The following FBXW12 variants were observed in gnomAD, a reference collection of about 807,000 sequenced individuals.
The protein encoded by FBXW12 is F-box and WD repeat domain containing 12.
Under a neutral mutation model 55.3 loss-of-function variants are expected in FBXW12, and 43 were observed. The observed-to-expected ratio is 0.78, with a 90% CI of 0.61 to 1.00. The LOEUF (loss-of-function observed/expected upper bound fraction) is 1.00. Ranked by LOEUF, FBXW12 falls within the 50% of genes least tolerant of loss-of-function variation. The pLI, the probability that FBXW12 is intolerant of heterozygous loss-of-function variation, is 0.00. For missense variants in FBXW12, 524 were observed against 560.5 expected (o/e 0.93, Z 0.66); for synonymous variants, 184 against 203.8 (o/e 0.90, Z 0.83).
rs33965777 is a variant in FBXW12, at chr3:48,392,450, CAAAAAAAAAAA to C, written c.1296-2095_1296-2085del. ...TGGGTGACAGAGCAACACTCAGTCT[CAAAAAAAAAAA>C]AAAAAAAAAAAAAAGCCCACAAGAA... On this transcript the variant is annotated intron_variant, in intron 10 of 10. Transcript: ENST00000296438. Among the ~76,000 whole-genome samples the C allele has an allele frequency of 8.1e-3, 592 of 72,684 alleles. 2 individuals are homozygous for C. The highest frequency in any genetic ancestry group is 0.047 in the Middle Eastern group (5 of 106). The allele number at this position is 72,684 out of a possible 152,430, so 47.7% of individuals were successfully genotyped here.
chr3:48,380,694 C>A lies in FBXW12; in HGVS notation c.775-8C>A. 1 of 1,608,582 alleles carries A rather than the reference C, an allele frequency of 6.2e-7. No individual in the cohort carries two copies. Among genetic ancestry groups the A allele is most frequent in the Non-Finnish European group, 8.5e-7 (1 of 1,174,912 alleles). On this transcript the variant is annotated splice_polypyrimidine_tract_variant and splice_region_variant and intron_variant, in intron 7 of 10. Transcript: ENST00000296438. Reference sequence around the variant, plus strand: ...TGCCCCTGACCATGCATGCGATGCTCTCTTTAGGTATTCCTCACAGAGTCC... The same window carrying A: ...TGCCCCTGACCATGCATGCGATGCTATCTTTAGGTATTCCTCACAGAGTCC...
intron 7 of FBXW12, chr3:48,379,772 A>C: frequency 2.0e-6 from 1 of 499,248 alleles, no homozygotes; most frequent in Non-Finnish European, 3.6e-6. Flanking sequence ...AAACTCGTTC[A>C]TGAAGCCCGA....
At chr3:48,389,730 A>G (rs1367545700) in intron 10 of FBXW12, among the ~76,000 whole-genome samples, 1 of 152,092 alleles carries the variant, frequency 6.6e-6, no homozygotes, top group African/African-American at 2.4e-5. Flanking sequence ...TTTCATTGCA[A>G]TTGCTTTTGA....
intron 10 of FBXW12, among the ~76,000 whole-genome samples, chr3:48,389,635 C>T (rs1179372127): frequency 6.6e-6 from 1 of 152,130 alleles, no homozygotes. Flanking sequence ...CTCAGCCTCC[C>T]GAAGTGTTGG....
intron 10 of FBXW12, among the ~76,000 whole-genome samples, chr3:48,389,333 T>C (rs899792854): frequency 3.9e-5 from 6 of 152,206 alleles, no homozygotes; most frequent in Admixed American, 3.9e-4. Flanking sequence ...CTATAGGTTG[T>C]CTGTTTACTC....
Position 48,381,873 on chromosome 3 carries a change from TG to T in FBXW12, c.1162del (p.Val388TrpfsTer50). The T allele has an allele frequency of 1.2e-6, 2 of 1,608,664 alleles. No homozygotes were observed. The highest frequency in any genetic ancestry group is 1.1e-5 in the South Asian group (1 of 90,614). ...CCATCAGGCAGCCATCAACAACTTC[TG>T]GGTGGTATGTATGATTCTCCTCCAC... ...EDHQAAINNFWVDPCYVLTTS... is the reference protein window; with the variant it reads ...EDHQAAINNFXVDPCYVLTTS... On this transcript the variant is annotated frameshift_variant, in exon 9 of 11. Coordinates refer to ENST00000296438, the MANE Select transcript of FBXW12 (RefSeq NM_207102.2). LOFTEE classifies it high-confidence loss of function.
intron 4 of FBXW12, among the ~76,000 whole-genome samples, chr3:48,374,391 G>C (rs535937173): frequency 2.7e-5 from 4 of 149,288 alleles, no homozygotes; most frequent in African/African-American, 9.9e-5. Context: ...GCAATGGCAC[G>C]ATCTCGGCTC....
intron 7 of FBXW12, 32 bp downstream of exon 7, chr3:48,379,590 G>A (rs772659459): frequency 6.2e-6 from 10 of 1,601,680 alleles, no homozygotes; most frequent in Admixed American, 1.7e-5. Flanking sequence ...TCAATTTCAG[G>A]ATAGGAATGT....
At chr3:48,393,546 T>C (rs2036961133) in intron 10 of FBXW12, among the ~76,000 whole-genome samples, 1 of 151,942 alleles carries the variant, frequency 6.6e-6, no homozygotes, top group Non-Finnish European at 1.5e-5. Context: ...CATCATACAG[T>C]GGGGAGGGAA....
chr3:48,391,940 G>A lies in FBXW12; in HGVS notation c.1296-2620G>A, dbSNP rs149517106. ...CTATGTTCATCAGGGATATTAGCCT[G>A]TAGTTTTCCTTTTTCATTGCCAGTA... On this transcript the variant is annotated intron_variant, in intron 10 of 10. Transcript: ENST00000296438. Among the ~76,000 whole-genome samples the A allele has an allele frequency of 2.8e-3, 421 of 152,258 alleles. 4 individuals are homozygous for A. The Middle Eastern group carries it at 0.075, about 27-fold the overall frequency.
intron 10 of FBXW12, among the ~76,000 whole-genome samples, chr3:48,390,125 T>C (rs953890722): frequency 1.3e-5 from 2 of 152,214 alleles, no homozygotes; most frequent in African/African-American, 2.4e-5. Flanking sequence ...TAGCCTATAG[T>C]ATAGTTTGAA....
rs374093067 is a variant in FBXW12 at position 48,385,338 on chromosome 3, T to TTTTG, written c.1295+3254_1295+3255insTTGT. On this transcript the variant is annotated intron_variant, in intron 10 of 10. Coordinates refer to ENST00000296438, the MANE Select transcript of FBXW12 (RefSeq NM_207102.2). ...TTTTCTAAGGCTAAATGGTATTCCA[T>TTTTG]TGTGTGTGTGTGTGTGTGTGTGTGT... Among the ~76,000 whole-genome samples the TTTTG allele has an allele frequency of 2.1e-4, 32 of 148,994 alleles. No individual in the cohort carries two copies. In the South Asian group the frequency reaches 7.0e-3, roughly 32 times the overall value.
In FBXW12 at chr3:48,372,738, G is replaced by A; in HGVS notation, c.-30G>A. On this transcript the variant is annotated 5_prime_UTR_variant, in exon 2 of 11. Coordinates refer to ENST00000296438, the MANE Select transcript of FBXW12 (RefSeq NM_207102.2). ...TCAGAGCAGCCCGGAGAGGAGAAAG[G>A]AAAGTGGATGTGGGTTCAGGCCGCA... The A allele has an allele frequency of 6.2e-7, 1 of 1,614,204 alleles. No homozygotes were observed. Among genetic ancestry groups the A allele is most frequent in the Non-Finnish European group, 8.5e-7 (1 of 1,180,014 alleles).
chr3:48,381,622 G>A (rs773205163), intron 8 of FBXW12, 78 bp from the exon 9 acceptor site: 11 of 1,436,910 alleles, frequency 7.7e-6, no homozygotes, highest in Non-Finnish European at 1.0e-5. Context: ...TTCAGTGTGA[G>A]GATATTATTA....
At chr3:48,381,238 G>A (rs1394941872) in intron 8 of FBXW12, among the ~76,000 whole-genome samples, 1 of 151,996 alleles carries the variant, frequency 6.6e-6, no homozygotes, top group Non-Finnish European at 1.5e-5. Context: ...TAGCCAGGAT[G>A]GTCTCAATCT....
intron 10 of FBXW12, among the ~76,000 whole-genome samples, chr3:48,393,035 T>TC (rs2036953740): frequency 6.8e-6 from 1 of 147,952 alleles, no homozygotes; most frequent in Non-Finnish European, 1.5e-5. Context: ...CACTCTCTTG[T>TC]CCAGGCTGGA....
intron 4 of FBXW12, among the ~76,000 whole-genome samples, chr3:48,374,689 C>T (rs1046231324): frequency 2.0e-5 from 3 of 151,548 alleles, no homozygotes; most frequent in African/African-American, 7.3e-5. Flanking sequence ...TGGTCTTGAA[C>T]TCCTGAACTC....
chr3:48,390,030 G>A (rs1316754435), intron 10 of FBXW12, among the ~76,000 whole-genome samples: 1 of 152,016 alleles, frequency 6.6e-6, no homozygotes, highest in Non-Finnish European at 1.5e-5. Context: ...TTCATTTCTG[G>A]GTTCTCTATT....
intron 10 of FBXW12, among the ~76,000 whole-genome samples, chr3:48,385,532 G>C (rs2036837436): frequency 6.6e-6 from 1 of 152,156 alleles, no homozygotes; most frequent in Non-Finnish European, 1.5e-5. Context: ...TCCTTTGGAT[G>C]TATACCCAGG....
Sources: allele counts gnomAD v4.1 joint callset (sites outside exome capture counted in the v4.1 genomes callset), GRCh38; gene constraint gnomAD v4.1.1; transcripts MANE v1.5; gene names NCBI Gene and HGNC (gene_info 2026-07-23, HGNC 2026-07-21).